Variants in FRMPD2 observed in about 807,000 individuals in gnomAD.
The protein encoded by FRMPD2 is FERM and PDZ domain-containing protein 2.
In FRMPD2, 96 loss-of-function variants were observed where a neutral mutation model predicts 140.1. That is an observed-to-expected ratio of 0.69 (90% CI 0.58 to 0.81). The LOEUF is 0.81. Among genes scored for constraint, FRMPD2 ranks in the 40% least tolerant of loss-of-function variants. The pLI, the probability that FRMPD2 is intolerant of heterozygous loss-of-function variation, is 0.00. For missense variants in FRMPD2, 1,240 were observed against 1,447.4 expected (o/e 0.86, Z 2.32); for synonymous variants, 449 against 547.6 (o/e 0.82, Z 2.52).
chr10:48,202,908 C>T (rs1839122086), intron 14 of FRMPD2, among the ~76,000 whole-genome samples: 1 of 152,082 alleles, frequency 6.6e-6, no homozygotes, highest in Non-Finnish European at 1.5e-5. Context: ...TCAAGCAATC[C>T]TCGCACCTCA....
chr10:48,238,996 C>G (rs1840034669), intron 7 of FRMPD2, among the ~76,000 whole-genome samples: 1 of 152,004 alleles, frequency 6.6e-6, no homozygotes, highest in Non-Finnish European at 1.5e-5. Context: ...TCTCCTCTTT[C>G]TCTCTGTCTC....
intron 8 of FRMPD2, 139 bp downstream of exon 8, chr10:48,237,852 G>A: frequency 1.9e-6 from 2 of 1,054,498 alleles, no homozygotes; most frequent in South Asian, 2.6e-5. Flanking sequence ...TCAGGTTTAT[G>A]TTAGTCCAAT....
intron 14 of FRMPD2, among the ~76,000 whole-genome samples, chr10:48,202,519 C>A (rs1256138799): frequency 3.9e-5 from 6 of 152,190 alleles, no homozygotes; most frequent in African/African-American, 1.4e-4. Context: ...AAGTATAGTG[C>A]TAAGCCTCCT....
intron 15 of FRMPD2, among the ~76,000 whole-genome samples, chr10:48,199,285 A>AAC (rs1257009457): frequency 1.5e-4 from 23 of 152,136 alleles, no homozygotes; most frequent in African/African-American, 4.8e-4. Context: ...AAAAAAAAAA[A>AAC]AAACCCTACT....
intron 1 of FRMPD2, among the ~76,000 whole-genome samples, chr10:48,269,606 C>T (rs1387373100): frequency 2.0e-5 from 3 of 152,196 alleles, no homozygotes; most frequent in East Asian, 1.9e-4. Flanking sequence ...CCAGGCCGTC[C>T]GTGGGTTCCC....
chr10:48,189,727 C>T (rs1838784950), intron 16 of FRMPD2, among the ~76,000 whole-genome samples: 1 of 152,216 alleles, frequency 6.6e-6, no homozygotes, highest in Non-Finnish European at 1.5e-5. Flanking sequence ...CATTCCTTCT[C>T]TTCCTCTCAC....
intron 1 of FRMPD2, among the ~76,000 whole-genome samples, chr10:48,253,666 T>A (rs1262321031): frequency 6.6e-6 from 1 of 152,050 alleles, no homozygotes; most frequent in Admixed American, 6.5e-5. Flanking sequence ...TTGTGCAAAT[T>A]TGTTGCTAGC....
intron 16 of FRMPD2, among the ~76,000 whole-genome samples, chr10:48,189,561 C>G (rs1415909622): frequency 6.6e-6 from 1 of 152,236 alleles, no homozygotes; most frequent in African/African-American, 2.4e-5. Flanking sequence ...CACACAGACC[C>G]CATGTGGGCC....
At chr10:48,177,873 C>T (rs1361340360) in intron 22 of FRMPD2, 174 bp downstream of exon 22, 5 of 501,466 alleles carry the variant, frequency 1.0e-5, no homozygotes, top group Admixed American at 6.4e-5. Context: ...CCCAGTACCT[C>T]TGTTTGTCTC....
At chr10:48,181,931 C>T (rs1376036644) in intron 20 of FRMPD2, among the ~76,000 whole-genome samples, 1 of 146,264 alleles carries the variant, frequency 6.8e-6, no homozygotes, top group Admixed American at 6.8e-5. Context: ...CAGCTTAGTA[C>T]ATGGTAGAGC....
At chr10:48,237,674 C>T (rs1433048973) in intron 8 of FRMPD2, among the ~76,000 whole-genome samples, 1 of 152,104 alleles carries the variant, frequency 6.6e-6, no homozygotes, top group African/African-American at 2.4e-5. Flanking sequence ...CACATTCTGC[C>T]TTGTCAGTTC....
In FRMPD2 at chr10:48,168,651, G is replaced by A; in HGVS notation, c.3481C>T (p.Leu1161Phe). 1 of 1,106,540 alleles carries A rather than the reference G, an allele frequency of 9.0e-7. No individual in the cohort carries two copies. Among genetic ancestry groups the A allele is most frequent in the African/African-American group, 1.8e-5 (1 of 56,646 alleles). 68.5% of individuals were successfully genotyped at this position (1,106,540 alleles called of 1,614,324 possible). Residue 1161 changes from leucine to phenylalanine, a missense_variant, in exon 27 of 29, where the codon CTC (leucine) becomes TTC (phenylalanine). Physicochemically the swap from Leu to Phe is conservative, Grantham distance 22 (BLOSUM62 0). This residue lies in a region of FRMPD2 where 30 missense variants were observed against 227.5 expected (regional missense o/e 0.13). Coordinates refer to ENST00000374201, the MANE Select transcript of FRMPD2 (RefSeq NM_001018071.4). ...LLRGAPQEVTLLLCRPPPGAL... is the reference protein window; with the variant it reads ...LLRGAPQEVTFLLCRPPPGAL... ...CCTGGAGGGGGTCGGCAAAGGAGGAGCGTGACTTCCTGTGGGGCCCCTCTC... is the reference window on the plus strand; with the variant it reads ...CCTGGAGGGGGTCGGCAAAGGAGGAACGTGACTTCCTGTGGGGCCCCTCTC...
chr10:48,220,922 C>T (rs1340452366), intron 12 of FRMPD2, among the ~76,000 whole-genome samples: 22 of 151,890 alleles, frequency 1.4e-4, no homozygotes, highest in Admixed American at 1.4e-3. Flanking sequence ...CGGCCATAAC[C>T]AAAAAATCAA....
chr10:48,248,139 T>A (rs890613310), intron 3 of FRMPD2, among the ~76,000 whole-genome samples: 1 of 152,208 alleles, frequency 6.6e-6, no homozygotes, highest in African/African-American at 2.4e-5. Flanking sequence ...TTTTCACATC[T>A]GCACTTTTCT....
At chr10:48,253,064 T>C (rs535708288) in intron 1 of FRMPD2, among the ~76,000 whole-genome samples, 5 of 152,302 alleles carry the variant, frequency 3.3e-5, no homozygotes, top group Admixed American at 1.3e-4. Flanking sequence ...ATGATTCTTA[T>C]ACAAAAAATC....
At chr10:48,244,516 C>T (rs967206077) in intron 4 of FRMPD2, among the ~76,000 whole-genome samples, 7 of 152,194 alleles carry the variant, frequency 4.6e-5, no homozygotes, top group African/African-American at 1.4e-4. Flanking sequence ...GCTATTAATA[C>T]TTCCTCTGAG....
Position 48,239,692 on chromosome 10 carries a change from A to T in FRMPD2, c.701T>A (p.Val234Asp). 6.2e-7 allele frequency: 1 copy of T among 1,613,036 alleles called. No homozygotes were observed. Among genetic ancestry groups the T allele is most frequent in the South Asian group, 1.1e-5 (1 of 90,978 alleles). ...CTGGGTCTCCGTGCTTCTTTCTGAA[A>T]CTAATCAAGCAGCATGGTAGAGGGT... is the stretch of plus-strand genomic sequence containing the variant. ...QAPECLHPCR[V>D]SERSTETQSS... Residue 234 changes from valine to aspartate, a missense_variant and splice_region_variant, in exon 7 of 29, where the codon GTT (valine) becomes GAT (aspartate). Physicochemically the swap from Val to Asp is radical, Grantham distance 152. This residue lies in a region of FRMPD2 where 1,161 missense variants were observed against 1,055.9 expected (regional missense o/e 1.10). Coordinates refer to ENST00000374201, the MANE Select transcript of FRMPD2 (RefSeq NM_001018071.4).
chr10:48,206,831 C>T lies in FRMPD2; in HGVS notation c.1714G>A (p.Val572Ile), dbSNP rs1839211698. 6.2e-7 allele frequency: 1 copy of T among 1,613,952 alleles called. No individual in the cohort carries two copies. Among genetic ancestry groups the T allele is most frequent in the Non-Finnish European group, 8.5e-7 (1 of 1,179,920 alleles). The change falls in exon 14 of 29, where the codon GTC (valine) becomes ATC (isoleucine). Residue 572 changes from valine to isoleucine, a missense_variant. Physicochemically the swap from Val to Ile is conservative, Grantham distance 29 (BLOSUM62 3). Transcript: ENST00000374201. ...EMALGICAKG[V>I]IVYEVKNNSR... is the part of the protein sequence containing the mutation. The stretch of plus-strand genomic sequence containing the variant: ...TTGTTTTTCACTTCATAGACTATGA[C>T]ACCCTTGGCACAGATCCCCAGGGCC...
At chr10:48,253,182 A>G (rs1432857506) in intron 1 of FRMPD2, among the ~76,000 whole-genome samples, 1 of 152,248 alleles carries the variant, frequency 6.6e-6, no homozygotes, top group Non-Finnish European at 1.5e-5. Flanking sequence ...AGTGAAGACC[A>G]TTATTTCAGT....
Sources: allele counts gnomAD v4.1 joint callset (sites outside exome capture counted in the v4.1 genomes callset), GRCh38; gene constraint gnomAD v4.1.1; regional missense constraint gnomAD v4.1.1; transcripts MANE v1.5; gene names NCBI Gene and HGNC (gene_info 2026-07-23, HGNC 2026-07-21).